Variants in WNT11 observed in about 807,000 individuals in gnomAD.
The protein encoded by WNT11 is protein Wnt-11.
A neutral mutation model predicts 35.6 loss-of-function variants in WNT11; 20 were observed. That is an observed-to-expected ratio of 0.56 (90% CI 0.40 to 0.82). The LOEUF is 0.82. Among genes scored for constraint, WNT11 ranks in the 40% least tolerant of loss-of-function variants. The pLI is 0.00. For synonymous variants in WNT11, 200 were observed against 211.9 expected (o/e 0.94, Z 0.49); for missense variants, 459 against 504.4 (o/e 0.91, Z 0.86).
At chr11:76,203,631 G>A (rs904700590) in intron 1 of WNT11, among the ~76,000 whole-genome samples, 1 of 152,210 alleles carries the variant, frequency 6.6e-6, no homozygotes, top group Non-Finnish European at 1.5e-5. Flanking sequence ...TTCTGGGCAG[G>A]TGCCTCTATG....
Position 76,187,176 on chromosome 11 carries a change from G to A in WNT11, c.954C>T (p.Tyr318=), listed in dbSNP as rs938409348. The A allele has an allele frequency of 6.2e-7, 1 of 1,610,858 alleles. No individual in the cohort carries two copies. Among genetic ancestry groups the A allele is most frequent in the East Asian group, 2.2e-5 (1 of 44,884 alleles). Residue 318 remains tyrosine (Y), a synonymous_variant, in exon 5 of 5, where the codon TAC becomes TAT. Transcript: ENST00000322563. ...CGACCACGCGGTCTGTGTAGGGGTT[G>A]TAGCCACGCCCGCAGCACATAAGGT... ...SCDLMCCGRG[Y]NPYTDRVVER... is the part of the protein sequence containing the mutation.
intron 4 of WNT11, among the ~76,000 whole-genome samples, chr11:76,190,469 C>T (rs192227529): frequency 2.6e-5 from 4 of 152,254 alleles, no homozygotes; most frequent in Admixed American, 2.6e-4. Flanking sequence ...CCTCACAGAG[C>T]CTGCTGCCCT....
At chr11:76,195,081 C>G in intron 2 of WNT11, 2 of 531,314 alleles carry the variant, frequency 3.8e-6, no homozygotes, top group Non-Finnish European at 3.3e-6. Context: ...TCCTCCTACT[C>G]ACACTCACAG....
chr11:76,188,296 G>A (rs376521687), intron 4 of WNT11, among the ~76,000 whole-genome samples: 2 of 152,378 alleles, frequency 1.3e-5, no homozygotes, highest in African/African-American at 2.4e-5. Flanking sequence ...AAAGGGCAGA[G>A]GCTTAAACTT....
At chr11:76,208,224 G>A (rs893799942), upstream of WNT11, among the ~76,000 whole-genome samples, 2 of 152,268 alleles carry the variant, frequency 1.3e-5, no homozygotes, top group Non-Finnish European at 2.9e-5. Context: ...GTTCCTGCGC[G>A]TGGGTAGTCA....
intron 1 of WNT11, among the ~76,000 whole-genome samples, chr11:76,200,233 T>G (rs1174662120): frequency 6.6e-6 from 1 of 152,168 alleles, no homozygotes; most frequent in Non-Finnish European, 1.5e-5. Flanking sequence ...TCGGGAAATG[T>G]CTGGTGTGTC....
rs1161648725 is a variant in WNT11, at chr11:76,191,736, G to A, written c.718C>T (p.Arg240Ter). ...ACTACCTTGGTGGCCGACAGGTATC[G>A]GGTCTTGAGGTCAGCAGCCACATCC... ...LQDVAADLKT[R>*]YLSATKVVHR... The change falls in exon 4 of 5, where the codon CGA (arginine) becomes TGA (stop). Residue 240 changes from arginine to a stop codon, truncating the protein, a stop_gained. Coordinates refer to ENST00000322563, the MANE Select transcript of WNT11 (RefSeq NM_004626.3). LOFTEE classifies it high-confidence loss of function. The A allele has an allele frequency of 5.0e-6, 8 of 1,613,714 alleles. No homozygotes were observed. Among genetic ancestry groups the A allele is most frequent in the Middle Eastern group, 1.6e-4 (1 of 6,062 alleles).
chr11:76,197,377 G>A (rs976385179), intron 1 of WNT11, among the ~76,000 whole-genome samples: 3 of 152,130 alleles, frequency 2.0e-5, no homozygotes, highest in African/African-American at 4.8e-5. Flanking sequence ...CCATTAACTT[G>A]TTGTGTGATC....
chr11:76,186,930 G>C lies in WNT11; in HGVS notation c.*135C>G. ...CTGGTGGCTTCCAAGTGAAGGCAAA[G>C]CACAAGCCGCCTCCCATGCCTGGCA... is the stretch of plus-strand genomic sequence containing the variant. On this transcript the variant is annotated 3_prime_UTR_variant, in exon 5 of 5. Transcript: ENST00000322563. 1 of 1,398,876 alleles carries C rather than the reference G, an allele frequency of 7.1e-7. No individual in the cohort carries two copies. The highest frequency in any genetic ancestry group is 2.5e-5 in the East Asian group (1 of 40,476). The allele number at this position is 1,398,876 out of a possible 1,614,324, so 86.7% of individuals were successfully genotyped here. A position where few individuals can be genotyped will look rare whatever the true frequency, so the allele number is the denominator to read the frequency against.
chr11:76,210,287 A>G (rs1036200327), upstream of WNT11: 14 of 417,518 alleles, frequency 3.4e-5, no homozygotes, highest in Non-Finnish European at 4.5e-5. Flanking sequence ...TCGCTCCGCA[A>G]AGGGGAACTC....
Position 76,194,231 on chromosome 11 carries a change from C to G in WNT11, c.597+336G>C, listed in dbSNP as rs184795123. Among the ~76,000 whole-genome samples the G allele has an allele frequency of 3.3e-5, 5 of 152,128 alleles. No homozygotes were observed. Among genetic ancestry groups the G allele is most frequent in the Admixed American group, 1.3e-4 (2 of 15,274 alleles). ...ACCCCCACCATTTCATAGATGGGAACAGCTGAGGCTGGAGAGGCACTGACT... is the reference window on the plus strand; with the variant it reads ...ACCCCCACCATTTCATAGATGGGAAGAGCTGAGGCTGGAGAGGCACTGACT... On this transcript the variant is annotated intron_variant, in intron 3 of 4. Transcript: ENST00000322563. The surrounding 1 kb of genome is among the most constrained non-coding windows in gnomAD (Gnocchi z 5.4).
upstream of WNT11, among the ~76,000 whole-genome samples, chr11:76,208,565 C>G (rs1237006575): frequency 6.6e-6 from 1 of 152,030 alleles, no homozygotes; most frequent in Non-Finnish European, 1.5e-5. Context: ...TCCCCTCTCC[C>G]AAAGTGCGCC....
intron 1 of WNT11, among the ~76,000 whole-genome samples, chr11:76,203,975 A>G (rs573540739): frequency 6.6e-6 from 1 of 152,162 alleles, no homozygotes; most frequent in South Asian, 2.1e-4. Context: ...AGAGTCCCCC[A>G]TCTCTGTGTG....
chr11:76,196,610 C>T lies in WNT11; in HGVS notation c.192G>A (p.Glu64=). 1.2e-6 allele frequency: 2 copies of T among 1,613,708 alleles called. No homozygotes were observed. Among genetic ancestry groups the T allele is most frequent in the South Asian group, 2.2e-5 (2 of 91,086 alleles). The change falls in exon 2 of 5, where the codon GAG becomes GAA. Residue 64 remains glutamate, a synonymous_variant. Transcript: ENST00000322563. ...CGGCGTGCACCACCGTGTGCATGAG[C>T]TCCAGGTTGCTGCGGCACAGCTGCA... ...AQVQLCRSNL[E]LMHTVVHAAR...
rs1185713705 is a variant in WNT11 at position 76,198,288 on chromosome 11, TGTGGTCA to T, written c.84-1577_84-1571del. The stretch of plus-strand genomic sequence containing the variant: ...CACGTTCTGCCCAGGGCTGACACTC[TGTGGTCA>T]GTGGTCAGTGATGGAAGCTACTACA... On this transcript the variant is annotated intron_variant, in intron 1 of 4. Transcript: ENST00000322563. Among the ~76,000 whole-genome samples, 10 of 152,372 alleles carry T rather than the reference TGTGGTCA, an allele frequency of 6.6e-5. No individual in the cohort carries two copies. The South Asian group carries it at 1.2e-3, about 19-fold the overall frequency.
At position 76,196,519 on chromosome 11, in the gene WNT11, C is replaced by T. The variant is rs1234617541; in HGVS notation, c.283G>A (p.Glu95Lys). ...ADMRWNCSSI[E>K]LAPNYLLDLE... is the part of the protein sequence containing the mutation. ...TCAAGCAAATAGTTGGGGGCGAGCTCAATGGAGGAGCAGTTCCAGCGCATG... is the reference window on the plus strand; with the variant it reads ...TCAAGCAAATAGTTGGGGGCGAGCTTAATGGAGGAGCAGTTCCAGCGCATG... The change falls in exon 2 of 5, where the codon GAG (glutamate) becomes AAG (lysine). Residue 95 changes from glutamate (E) to lysine (K), a missense_variant. Physicochemically the swap from Glu to Lys is moderately conservative, Grantham distance 56. Coordinates refer to ENST00000322563, the MANE Select transcript of WNT11 (RefSeq NM_004626.3). 1 of 1,613,416 alleles carries T rather than the reference C, an allele frequency of 6.2e-7. No individual in the cohort carries two copies. The highest frequency in any genetic ancestry group is 2.2e-5 in the East Asian group (1 of 44,890).
At position 76,186,376 on chromosome 11, in the gene WNT11, C is replaced by G. The variant is rs1254721190; in HGVS notation, c.*689G>C. 1.3e-5 allele frequency: 2 copies of G among 152,046 alleles called. No homozygotes were observed. Among genetic ancestry groups the G allele is most frequent in the Admixed American group, 6.5e-5 (1 of 15,270 alleles). The allele number at this position is 152,046 out of a possible 1,614,324, so 9.4% of individuals were successfully genotyped here. A position where few individuals can be genotyped will look rare whatever the true frequency, so the allele number is the denominator to read the frequency against. On this transcript the variant is annotated 3_prime_UTR_variant, in exon 5 of 5. Transcript: ENST00000322563. Reference sequence around the variant, plus strand: ...TGCCAGCCCCAGGGTCTGCCGAGTTCACTTGACGAGGCCGGGAACTGCAGG... The same window carrying G: ...TGCCAGCCCCAGGGTCTGCCGAGTTGACTTGACGAGGCCGGGAACTGCAGG...
chr11:76,192,443 T>A (rs1953200792), intron 3 of WNT11, among the ~76,000 whole-genome samples: 1 of 152,172 alleles, frequency 6.6e-6, no homozygotes, highest in African/African-American at 2.4e-5. Context: ...CCTGGCTGAC[T>A]TTCCCCCCAC....
chr11:76,210,073 G>C (rs1388810438), upstream of WNT11, among the ~76,000 whole-genome samples: 1 of 148,814 alleles, frequency 6.7e-6, no homozygotes, highest in Non-Finnish European at 1.5e-5. Context: ...CACACCCTCT[G>C]TCGCGGGATC....
Sources: gnomAD v4.1 joint callset for allele counts (sites outside exome capture counted in the v4.1 genomes callset) on GRCh38, gnomAD v4.1.1 for gene constraint, Gnocchi (gnomAD v3.1) non-coding constraint, MANE v1.5 for transcripts, NCBI Gene and HGNC (gene_info 2026-07-23, HGNC 2026-07-21) for gene names.